The following MYT1L variants were observed in gnomAD, a reference collection of about 807,000 sequenced individuals.
The protein encoded by MYT1L is myelin transcription factor 1 like.
MYT1L carries 12 observed loss-of-function variants against 126.7 expected under a neutral mutation model. That is an observed-to-expected ratio of 0.09 (90% CI 0.06 to 0.15). The LOEUF (loss-of-function observed/expected upper bound fraction) is 0.15, where lower values mean the gene tolerates loss of function less well. Among genes scored for constraint, MYT1L ranks in the 10% least tolerant of loss-of-function variants. The pLI, the probability that MYT1L is intolerant of heterozygous loss-of-function variation, is 1.00. For missense variants in MYT1L, 979 were observed against 1,585.2 expected, an observed-to-expected ratio of 0.62 and a Z score of 6.49; for synonymous variants, 541 against 604.2, an observed-to-expected ratio of 0.90 and a Z score of 1.53.
In MYT1L at chr2:1,994,728, C is replaced by A. The variant is rs562185785; in HGVS notation, c.-1+2463G>T. On this transcript the variant is annotated intron_variant, in intron 5 of 24. Transcript: ENST00000647738. ...TTCAGCATTTTCTATCTTTACTTCT[C>A]CCTAATTCAGATTTTAGTAATGTGG... Among the ~76,000 whole-genome samples the A allele has an allele frequency of 3.3e-5, 5 of 152,226 alleles. No individual in the cohort carries two copies. In the East Asian group the frequency reaches 7.7e-4, roughly 24 times the overall value.
intron 3 of MYT1L, among the ~76,000 whole-genome samples, chr2:2,169,311 C>T (rs2089646329): frequency 6.6e-6 from 1 of 152,176 alleles, no homozygotes; most frequent in African/African-American, 2.4e-5. Flanking sequence ...CTCTCAATCA[C>T]CTCTTTTGGC....
intron 3 of MYT1L, among the ~76,000 whole-genome samples, chr2:2,114,317 C>T (rs1409253731): frequency 6.6e-6 from 1 of 152,110 alleles, no homozygotes; most frequent in Non-Finnish European, 1.5e-5. Flanking sequence ...AAAACAAGTC[C>T]CAAGGTTACC....
intron 2 of MYT1L, among the ~76,000 whole-genome samples, chr2:2,260,959 T>C (rs1187156686): frequency 6.6e-6 from 1 of 152,210 alleles, no homozygotes; most frequent in Non-Finnish European, 1.5e-5. Flanking sequence ...AACACACTAC[T>C]CTCAGGAGCC....
At chr2:2,326,463 C>T (rs542386461) in intron 1 of MYT1L, 2 of 152,368 alleles carry the variant, frequency 1.3e-5, no homozygotes, top group South Asian at 2.1e-4. Flanking sequence ...TGCTAGACAC[C>T]ACTGCAGTCT....
At chr2:2,058,613 T>C (rs1399599672) in intron 3 of MYT1L, among the ~76,000 whole-genome samples, 1 of 152,246 alleles carries the variant, frequency 6.6e-6, no homozygotes, top group Non-Finnish European at 1.5e-5. Context: ...AACAAATTTA[T>C]GCTGAATGAA....
chr2:1,918,597 A>C (rs2053165926), intron 10 of MYT1L, among the ~76,000 whole-genome samples: 1 of 152,224 alleles, frequency 6.6e-6, no homozygotes, highest in Non-Finnish European at 1.5e-5. Context: ...AAATAGACAA[A>C]GGACTAGCAG....
intron 24 of MYT1L, 62 bp from the exon 25 acceptor site, chr2:1,792,069 A>G (rs1266701540): frequency 3.0e-6 from 4 of 1,355,648 alleles, no homozygotes; most frequent in Non-Finnish European, 4.0e-6. Context: ...ATATTTACAA[A>G]AGCATAAAAT....
intron 2 of MYT1L, among the ~76,000 whole-genome samples, chr2:2,256,892 G>T (rs1263551261): frequency 1.3e-5 from 2 of 152,192 alleles, no homozygotes; most frequent in African/African-American, 4.8e-5. Flanking sequence ...GAGTGTGCAT[G>T]TGTGTGTAAA....
intron 19 of MYT1L, among the ~76,000 whole-genome samples, chr2:1,843,927 C>A (rs566863078): frequency 6.6e-6 from 1 of 152,346 alleles, no homozygotes; most frequent in South Asian, 2.1e-4. Context: ...CTCCAGGAAG[C>A]CTTGGCCTTG....
At position 2,119,510 on chromosome 2, in the gene MYT1L, C is replaced by T. The variant is rs555417447; in HGVS notation, c.-304+53362G>A. Among the ~76,000 whole-genome samples the T allele has an allele frequency of 5.9e-5, 9 of 152,220 alleles. No homozygotes were observed. In the East Asian group the frequency reaches 1.7e-3, roughly 29 times the overall value. Reference sequence around the variant, plus strand: ...TGAATTAAGTATTTGAATTCTAAAACAAGTTTTCAGAATTAAATGATCATA... The same window carrying T: ...TGAATTAAGTATTTGAATTCTAAAATAAGTTTTCAGAATTAAATGATCATA... On this transcript the variant is annotated intron_variant, in intron 3 of 24. Transcript: ENST00000647738.
intron 9 of MYT1L, among the ~76,000 whole-genome samples, chr2:1,934,159 A>G (rs1406637785): frequency 1.3e-5 from 2 of 151,314 alleles, no homozygotes; most frequent in African/African-American, 4.9e-5. Flanking sequence ...TATTTTTAGT[A>G]GAGACGGGGT....
Position 2,012,745 on chromosome 2 carries a change from G to A in MYT1L, c.-157-15398C>T, listed in dbSNP as rs78032517. ...AATCATTCCTTTGTCCAGTGCGTCC[G>A]TCCACACCGCACACCCTACCCACCC... On this transcript the variant is annotated intron_variant, in intron 4 of 24. Coordinates refer to ENST00000647738, the MANE Select transcript of MYT1L (RefSeq NM_001303052.2). 5.5e-4 allele frequency among the ~76,000 whole-genome samples: 84 copies of A among 152,112 alleles called. 1 individual carries two copies. In the East Asian group the frequency reaches 0.014, roughly 26 times the overall value.
At chr2:2,279,804 G>A (rs2095423262) in intron 2 of MYT1L, among the ~76,000 whole-genome samples, 1 of 152,162 alleles carries the variant, frequency 6.6e-6, no homozygotes, top group Admixed American at 6.5e-5. Flanking sequence ...GGGCAACACT[G>A]CACACTGGGA....
At chr2:1,831,112 A>G (rs1418539199) in intron 21 of MYT1L, among the ~76,000 whole-genome samples, 1 of 151,004 alleles carries the variant, frequency 6.6e-6, no homozygotes, top group Non-Finnish European at 1.5e-5. Context: ...AGACACCACC[A>G]CACCCTGCAA....
Position 2,255,196 on chromosome 2 carries a change from A to C in MYT1L, c.-421+29208T>G, listed in dbSNP as rs73913283. ...TGATCCTCTTTCTCCACCGAACACC[A>C]TTTATGGTTCATCCTGCAGCTCCCC... On this transcript the variant is annotated intron_variant, in intron 2 of 24. Transcript: ENST00000647738. 4.4e-3 allele frequency among the ~76,000 whole-genome samples: 676 copies of C among 152,292 alleles called. 2 individuals are homozygous for C. The highest frequency in any genetic ancestry group is 0.015 in the African/African-American group (643 of 41,562).
intron 8 of MYT1L, among the ~76,000 whole-genome samples, chr2:1,964,789 T>C (rs1007741795): frequency 1.3e-5 from 2 of 152,208 alleles, no homozygotes; most frequent in African/African-American, 4.8e-5. Context: ...TTCCCTGTCA[T>C]GGAACACTCA....
At chr2:1,997,650 T>A (rs2061984967) in intron 4 of MYT1L, among the ~76,000 whole-genome samples, 1 of 152,190 alleles carries the variant, frequency 6.6e-6, no homozygotes, top group South Asian at 2.1e-4. Flanking sequence ...TATGGTTCCA[T>A]GAGCTCCCAG....
At chr2:1,909,721 G>C (rs2051625964) in intron 13 of MYT1L, among the ~76,000 whole-genome samples, 1 of 152,116 alleles carries the variant, frequency 6.6e-6, no homozygotes, top group South Asian at 2.1e-4. Context: ...AAACGGAGGT[G>C]ACAACACCTA....
intron 3 of MYT1L, among the ~76,000 whole-genome samples, chr2:2,157,161 C>T (rs982691327): frequency 3.3e-5 from 5 of 152,154 alleles, no homozygotes; most frequent in African/African-American, 1.2e-4. Context: ...ATCAGTGAAC[C>T]TACTGTCTAA....
Sources: gnomAD v4.1 joint callset for allele counts (sites outside exome capture counted in the v4.1 genomes callset) on GRCh38, gnomAD v4.1.1 for gene constraint, MANE v1.5 for transcripts, NCBI Gene and HGNC (gene_info 2026-07-23, HGNC 2026-07-21) for gene names.